USP10: variants seen among roughly 807,000 people sequenced by gnomAD.
USP10 encodes the protein ubiquitin specific peptidase 10.
Under a neutral mutation model 84.5 loss-of-function variants are expected in USP10, and 22 were observed. The ratio of observed to expected loss-of-function variants is 0.26; its 90% confidence interval spans 0.19 to 0.37. USP10 has a LOEUF of 0.37. Ranked by LOEUF, USP10 falls within the 10% of genes least tolerant of loss-of-function variation. The pLI is 1.00. For missense variants in USP10, 1,019 were observed against 998.9 expected, an observed-to-expected ratio of 1.02 and a Z score of -0.27; for synonymous variants, 454 against 387.6, an observed-to-expected ratio of 1.17 and a Z score of -2.01.
At chr16:84,761,982 A>G (rs1455104172) in intron 8 of USP10, among the ~76,000 whole-genome samples, 1 of 152,260 alleles carries the variant, frequency 6.6e-6, no homozygotes, top group Non-Finnish European at 1.5e-5. Flanking sequence ...TGGAGAGGGC[A>G]AGTAAACTTT....
chr16:84,743,856 T>G (rs540912384), intron 3 of USP10, among the ~76,000 whole-genome samples: 1 of 152,264 alleles, frequency 6.6e-6, no homozygotes, highest in South Asian at 2.1e-4. Flanking sequence ...AATTCTAACT[T>G]TTTCTTTTGG....
At chr16:84,730,972 C>G (rs935118883) in intron 1 of USP10, among the ~76,000 whole-genome samples, 1 of 137,568 alleles carries the variant, frequency 7.3e-6, no homozygotes, top group African/African-American at 2.6e-5. Flanking sequence ...TATAGCATTT[C>G]TACCTTTTTT....
At chr16:84,757,391 A>C (rs1597376057) in intron 4 of USP10, among the ~76,000 whole-genome samples, 2 of 88,194 alleles carry the variant, frequency 2.3e-5, no homozygotes, top group East Asian at 3.2e-4. Context: ...GGAGGGAATG[A>C]GAGGGGTGGG....
chr16:84,732,497 G>T (rs553949129), intron 1 of USP10: 45 of 387,008 alleles, frequency 1.2e-4, no homozygotes, highest in African/African-American at 9.5e-4. Context: ...CCCCGGCTGG[G>T]GTGCGGTGGC....
intron 4 of USP10, among the ~76,000 whole-genome samples, chr16:84,754,987 C>CA (rs145604428): frequency 0.037 from 4,390 of 118,240 alleles, 195 homozygotes; most frequent in African/African-American, 0.12. Flanking sequence ...GACTTTGTCC[C>CA]AGAAAAAAAA....
chr16:84,731,053 T>A (rs1909154460), intron 1 of USP10, among the ~76,000 whole-genome samples: 1 of 150,210 alleles, frequency 6.7e-6, no homozygotes, highest in South Asian at 2.1e-4. Context: ...ATTCTCGGCT[T>A]GCTGCAACCT....
At chr16:84,767,104 A>G (rs1329599623) in intron 10 of USP10, among the ~76,000 whole-genome samples, 1 of 152,198 alleles carries the variant, frequency 6.6e-6, no homozygotes, top group Non-Finnish European at 1.5e-5. Flanking sequence ...ACTGTAAAGG[A>G]GCATGGAGAT....
chr16:84,748,486 T>A (rs1409940031), intron 4 of USP10, among the ~76,000 whole-genome samples: 1 of 152,010 alleles, frequency 6.6e-6, no homozygotes, highest in Non-Finnish European at 1.5e-5. Context: ...GTATTTTTAG[T>A]AGAGACCGAG....
At chr16:84,725,960 C>T (rs1370651997) in intron 1 of USP10, among the ~76,000 whole-genome samples, 11 of 152,138 alleles carry the variant, frequency 7.2e-5, no homozygotes, top group Admixed American at 7.2e-4. Flanking sequence ...CCTGGTTATA[C>T]CATTTGCCAC....
rs776381438 is a variant in USP10, at chr16:84,760,194, G to A, written c.1473G>A (p.Arg491=). ...CAGCTCTTGGAGATAAAATCGTGAG[G>A]GATATTCGCCCTGGAGCTGCCTTTG... ...PRQALGDKIV[R]DIRPGAAFEP... Residue 491 remains arginine, a synonymous_variant, in exon 8 of 14, where the codon AGG becomes AGA. Coordinates refer to ENST00000219473, the MANE Select transcript of USP10 (RefSeq NM_005153.3). 7 of 1,609,672 alleles carry A rather than the reference G, an allele frequency of 4.3e-6. No homozygotes were observed. Among genetic ancestry groups the A allele is most frequent in the Non-Finnish European group, 5.9e-6 (7 of 1,177,794 alleles).
intron 9 of USP10, 123 bp downstream of exon 9, chr16:84,763,211 C>G (rs1913413003): frequency 1.9e-6 from 1 of 536,750 alleles, no homozygotes; most frequent in South Asian, 3.2e-5. Flanking sequence ...GCATTTATTC[C>G]CTACGATAAC....
intron 13 of USP10, 66 bp downstream of exon 13, chr16:84,775,291 C>A (rs548261120): frequency 9.1e-6 from 14 of 1,540,790 alleles, no homozygotes; most frequent in Non-Finnish European, 1.2e-5. Flanking sequence ...CAGCTGGGCA[C>A]AGGTTTGCTG....
intron 4 of USP10, among the ~76,000 whole-genome samples, chr16:84,750,054 T>C (rs574647797): frequency 6.6e-6 from 1 of 152,260 alleles, no homozygotes; most frequent in South Asian, 2.1e-4. Flanking sequence ...GAGGGATCTG[T>C]GTTTCAGTGA....
At chr16:84,722,100 A>G (rs1907889980) in intron 1 of USP10, among the ~76,000 whole-genome samples, 1 of 152,242 alleles carries the variant, frequency 6.6e-6, no homozygotes. Context: ...CCCCTTTGCC[A>G]TGAATCCCCA....
intron 1 of USP10, among the ~76,000 whole-genome samples, chr16:84,709,993 G>A (rs370947303): frequency 2.0e-5 from 3 of 152,140 alleles, no homozygotes; most frequent in African/African-American, 7.2e-5. Context: ...GGTTGAGGCC[G>A]GGTGCGAGGC....
intron 4 of USP10, among the ~76,000 whole-genome samples, chr16:84,746,751 C>G (rs113396376): frequency 9.6e-4 from 146 of 152,208 alleles, no homozygotes; most frequent in Middle Eastern, 3.4e-3. Flanking sequence ...GGCTGTACTA[C>G]GTTGATTTAC....
At chr16:84,726,958 C>T (rs1441197836) in intron 1 of USP10, among the ~76,000 whole-genome samples, 2 of 152,202 alleles carry the variant, frequency 1.3e-5, no homozygotes, top group Non-Finnish European at 2.9e-5. Flanking sequence ...TTGCTGAAAC[C>T]TTAGGGGGCT....
intron 2 of USP10, among the ~76,000 whole-genome samples, chr16:84,739,571 C>T (rs772638525): frequency 6.6e-6 from 1 of 152,196 alleles, no homozygotes; most frequent in Non-Finnish European, 1.5e-5. Flanking sequence ...CCATGCCCTG[C>T]CCCTTCCTAA....
chr16:84,739,231 T>C (rs1910325334), intron 2 of USP10, among the ~76,000 whole-genome samples: 1 of 151,032 alleles, frequency 6.6e-6, no homozygotes, highest in Non-Finnish European at 1.5e-5. Context: ...GCTAATTTTT[T>C]GTATTTTTTA....
Sources: allele counts gnomAD v4.1 joint callset (sites outside exome capture counted in the v4.1 genomes callset), GRCh38; gene constraint gnomAD v4.1.1; transcripts MANE v1.5; gene names NCBI Gene and HGNC (gene_info 2026-07-23, HGNC 2026-07-21).